The following PM20D2 variants were observed in gnomAD, a reference collection of about 807,000 sequenced individuals.
The protein encoded by PM20D2 is xaa-Arg dipeptidase.
A neutral mutation model predicts 42.9 loss-of-function variants in PM20D2; 33 were observed. The ratio of observed to expected loss-of-function variants is 0.77; its 90% CI spans 0.58 to 1.03. The LOEUF (loss-of-function observed/expected upper bound fraction) is 1.03, where lower values mean the gene tolerates loss of function less well. PM20D2 is among the 50% of genes least tolerant of loss of function. The probability of loss-of-function intolerance (pLI) is 0.00; values close to 1 mark genes in which losing one functional copy is unlikely to be tolerated. For synonymous variants in PM20D2, 250 were observed against 228.2 expected, an observed-to-expected ratio of 1.10 and a Z score of -0.86; for missense variants, 548 against 557.0, an observed-to-expected ratio of 0.98 and a Z score of 0.16.
the PM20D2 span, among the ~76,000 whole-genome samples, chr6:89,128,735 C>T: frequency 9.9e-5 from 15 of 152,174 alleles, no homozygotes; most frequent in African/African-American, 2.4e-4. Flanking sequence ...ATGCCACCCC[C>T]GGTGGCCCAG....
chr6:89,123,658 G>T, the PM20D2 span, among the ~76,000 whole-genome samples: 1 of 144,390 alleles, frequency 6.9e-6, no homozygotes, highest in South Asian at 2.2e-4. Flanking sequence ...AGAGGTGGAG[G>T]TTGCAGTGAG....
the PM20D2 span, among the ~76,000 whole-genome samples, chr6:89,133,258 T>C: frequency 6.6e-6 from 1 of 151,008 alleles, no homozygotes; most frequent in African/African-American, 2.5e-5. Flanking sequence ...AGATAAAATA[T>C]AAAAATTTAA....
intron 5 of PM20D2, among the ~76,000 whole-genome samples, 193 bp from the exon 6 acceptor site, chr6:89,161,590 G>C (rs970873296): frequency 6.6e-5 from 10 of 152,190 alleles, no homozygotes; most frequent in African/African-American, 2.4e-4. Flanking sequence ...ACCTTCATGA[G>C]AGATGTGACT....
At chr6:89,099,457 T>TATATATACACAC in the PM20D2 span, among the ~76,000 whole-genome samples, 3 of 145,356 alleles carry the variant, frequency 2.1e-5, no homozygotes, top group Admixed American at 6.9e-5. Context: ...TATATGTGTG[T>TATATATACACAC]ATATATGTGT....
the PM20D2 span, chr6:89,097,347 T>G: frequency 6.6e-6 from 1 of 152,092 alleles, no homozygotes; most frequent in Admixed American, 6.6e-5. Context: ...ACCAAAACCC[T>G]TTGAAAAACA....
chr6:89,116,349 G>T, the PM20D2 span, among the ~76,000 whole-genome samples: 4 of 152,154 alleles, frequency 2.6e-5, no homozygotes, highest in East Asian at 7.7e-4. Flanking sequence ...CATAAATTAT[G>T]TTCGTGTTTT....
chr6:89,154,043 T>A (rs1770949006), intron 3 of PM20D2, among the ~76,000 whole-genome samples: 1 of 152,256 alleles, frequency 6.6e-6, no homozygotes, highest in African/African-American at 2.4e-5. Context: ...ATTCTTTACC[T>A]GATTTTGCTA....
the PM20D2 span, among the ~76,000 whole-genome samples, chr6:89,126,668 T>A: frequency 1.2e-4 from 13 of 104,656 alleles, no homozygotes; most frequent in Admixed American, 2.1e-4. Flanking sequence ...AGACTCCATC[T>A]AAAAAAAAAA....
At chr6:89,133,646 C>T in the PM20D2 span, among the ~76,000 whole-genome samples, 7 of 151,160 alleles carry the variant, frequency 4.6e-5, no homozygotes, top group Non-Finnish European at 8.8e-5. Context: ...AAGAGATACC[C>T]GGAATGGCCC....
the PM20D2 span, among the ~76,000 whole-genome samples, chr6:89,140,654 G>T: frequency 0.034 from 5,158 of 152,274 alleles, 227 homozygotes; most frequent in African/African-American, 0.1. Context: ...CGTCTTTGCA[G>T]TGTTGTTTTG....
chr6:89,129,156 G>A, the PM20D2 span, among the ~76,000 whole-genome samples: 1 of 152,124 alleles, frequency 6.6e-6, no homozygotes, highest in Non-Finnish European at 1.5e-5. Context: ...CAGAGTCAGG[G>A]GGCTGCCACC....
intron 2 of PM20D2, among the ~76,000 whole-genome samples, chr6:89,152,530 T>G (rs1174027455): frequency 6.6e-6 from 1 of 152,194 alleles, no homozygotes; most frequent in African/African-American, 2.4e-5. Context: ...TGGATATTGG[T>G]CAGGAACAAC....
At chr6:89,131,951 T>G in the PM20D2 span, among the ~76,000 whole-genome samples, 1 of 152,168 alleles carries the variant, frequency 6.6e-6, no homozygotes, top group East Asian at 1.9e-4. Context: ...AAACGCTGGT[T>G]GCACCGATTC....
the PM20D2 span, among the ~76,000 whole-genome samples, chr6:89,128,625 C>T: frequency 6.6e-6 from 1 of 152,044 alleles, no homozygotes; most frequent in Non-Finnish European, 1.5e-5. Context: ...GATCTTTGTC[C>T]CTACTCTCTG....
intron 5 of PM20D2, among the ~76,000 whole-genome samples, chr6:89,161,444 G>A (rs7770915): frequency 0.021 from 3,125 of 152,272 alleles, 51 homozygotes; most frequent in African/African-American, 0.032. Flanking sequence ...AGAAGAAGGG[G>A]CCATCAGAGA....
chr6:89,130,819 C>CCTTTTTTTTTTTTTTTTT, the PM20D2 span, among the ~76,000 whole-genome samples: 4 of 24,038 alleles, frequency 1.7e-4, no homozygotes, highest in African/African-American at 5.7e-4. Context: ...GCTTCTTCTT[C>CCTTTTTTTTTTTTTTTTT]TTTTTTTTTT....
the PM20D2 span, among the ~76,000 whole-genome samples, chr6:89,099,215 C>G: frequency 6.6e-6 from 1 of 151,540 alleles, no homozygotes; most frequent in East Asian, 1.9e-4. Flanking sequence ...CATATTTGGT[C>G]TGAGTTATAC....
rs1194454985 is a variant in PM20D2, at chr6:89,163,423, C to T, written c.*1160C>T. ...CCTCAAACTCCTGGGCTCAAGCAAT[C>T]CTCCTGTCTTGGCCTCCCAAAGTGT... On this transcript the variant is annotated 3_prime_UTR_variant, in exon 7 of 7. Transcript: ENST00000275072. The T allele has an allele frequency of 6.6e-6, 1 of 152,182 alleles. No individual in the cohort carries two copies. Among genetic ancestry groups the T allele is most frequent in the African/African-American group, 2.4e-5 (1 of 41,456 alleles). The allele number at this position is 152,182 out of a possible 1,614,324, so 9.4% of individuals were successfully genotyped here. A position where few individuals can be genotyped will look rare whatever the true frequency, so the allele number is the denominator to read the frequency against.
At chr6:89,130,812 T>G in the PM20D2 span, among the ~76,000 whole-genome samples, 45,106 of 97,552 alleles carry the variant, frequency 0.46, 10,123 homozygotes, top group East Asian at 0.64. Context: ...GTATCTGGCT[T>G]CTTCTTCTTT....
Sources: gnomAD v4.1 joint callset for allele counts (sites outside exome capture counted in the v4.1 genomes callset) on GRCh38, gnomAD v4.1.1 for gene constraint, MANE v1.5 for transcripts, NCBI Gene and HGNC (gene_info 2026-07-23, HGNC 2026-07-21) for gene names.